Variants in CP observed in about 807,000 individuals in gnomAD.
The protein encoded by CP is ceruloplasmin.
Under a neutral mutation model 122.4 loss-of-function variants are expected in CP, and 64 were observed. The ratio of observed to expected loss-of-function variants is 0.52; its 90% confidence interval spans 0.43 to 0.64. CP has a LOEUF of 0.64. Ranked by LOEUF, CP falls within the 30% of genes least tolerant of loss-of-function variation. CP has a pLI of 0.00. For missense variants in CP, 1,167 were observed against 1,284.4 expected (o/e 0.91, Z 1.40); for synonymous variants, 440 against 436.4 (o/e 1.01, Z -0.10).
chr3:149,175,897 T>G lies in CP; in HGVS notation c.3181+353A>C, dbSNP rs1725385979. 1.5e-5 allele frequency: 3 copies of G among 195,612 alleles called. No homozygotes were observed. In the South Asian group the frequency reaches 3.0e-4, roughly 20 times the overall value. The allele number at this position is 195,612 out of a possible 1,614,324, so 12.1% of individuals were successfully genotyped here. A position where few individuals can be genotyped will look rare whatever the true frequency, so the allele number is the denominator to read the frequency against. On this transcript the variant is annotated intron_variant, in intron 18 of 18. Coordinates refer to ENST00000264613, the MANE Select transcript of CP (RefSeq NM_000096.4). ...AGGTGCCACCTAGAAAAAAAATTGT[T>G]TTTTGTTAAGAAAGAAATTAGATTC...
At position 149,185,300 on chromosome 3, in the gene CP, C is replaced by G. The variant is rs527915587; in HGVS notation, c.2224G>C (p.Glu742Gln). 23 of 1,613,998 alleles carry G rather than the reference C, an allele frequency of 1.4e-5. No individual in the cohort carries two copies. In the East Asian group the frequency reaches 4.7e-4, roughly 33 times the overall value. The change falls in exon 12 of 19, where the codon GAA becomes CAA. Residue 742 changes from glutamate to glutamine, a missense_variant. Transcript: ENST00000264613. ...TCCCTTTGTGGGGAATAATCCCATT[C>G]CACCTCCACTGCTGCGATATAGTAT... The part of the protein sequence containing the change: ...RTYYIAAVEV[E>Q]WDYSPQREWE...
In CP at chr3:149,177,970, C is replaced by G; in HGVS notation, c.2888G>C (p.Gly963Ala). ...IESNKMHAIN[G>A]RMFGNLQGLT... is the part of the protein sequence containing the mutation. ...GCCTTGTAGGTTTCCAAACATTCTT[C>G]CATTAATAGCTAGGGAAAGCATATG... is the stretch of plus-strand genomic sequence containing the variant. Residue 963 changes from glycine to alanine, a missense_variant, in exon 17 of 19, where the codon GGA becomes GCA. Coordinates refer to ENST00000264613, the MANE Select transcript of CP (RefSeq NM_000096.4). The G allele has an allele frequency of 6.2e-7, 1 of 1,613,312 alleles. No homozygotes were observed. Among genetic ancestry groups the G allele is most frequent in the Non-Finnish European group, 8.5e-7 (1 of 1,179,312 alleles).
At chr3:149,203,099 G>T (rs1727460126) in intron 6 of CP, among the ~76,000 whole-genome samples, 1 of 151,528 alleles carries the variant, frequency 6.6e-6, no homozygotes, top group Non-Finnish European at 1.5e-5. Context: ...GTAGAGACGG[G>T]GTTTCACCGT....
chr3:149,186,279 G>A, intron 11 of CP: 1 of 557,816 alleles, frequency 1.8e-6, no homozygotes, highest in Non-Finnish European at 3.2e-6. Flanking sequence ...AGGAGCCTAT[G>A]GAAGTGGAGA....
Position 149,209,403 on chromosome 3 carries a change from T to C in CP, c.608-19A>G. 1.2e-6 allele frequency: 2 copies of C among 1,607,054 alleles called. No homozygotes were observed. The highest frequency in any genetic ancestry group is 1.3e-5 in the African/African-American group (1 of 74,880). On this transcript the variant is annotated intron_variant, in intron 3 of 18. Transcript: ENST00000264613. The stretch of plus-strand genomic sequence containing the variant: ...AGAGAATCTGGAGTTAAAGTTACTA[T>C]TTTAGCAAGACTAAACTTTTAGCAT...
intron 18 of CP, 46 bp from the exon 19 acceptor site, chr3:149,173,776 G>T (rs1725214342): frequency 1.0e-6 from 1 of 989,362 alleles, no homozygotes; most frequent in Non-Finnish European, 1.5e-6. Context: ...ATAATATATG[G>T]TTAGAAATTA....
chr3:149,169,271 A>T (rs776432182), downstream of CP, among the ~76,000 whole-genome samples: 13 of 152,156 alleles, frequency 8.5e-5, no homozygotes, highest in Non-Finnish European at 1.3e-4. Flanking sequence ...TGTTTTCTTA[A>T]CAGTTGTACA....
At chr3:149,167,186 A>C in intron 4 of CP, 1 of 1,613,946 alleles carries the variant, frequency 6.2e-7, no homozygotes, top group Non-Finnish European at 8.5e-7. Context: ...TGTTAGAGAG[A>C]TGCCCGGAGG....
chr3:149,178,587 T>G lies in CP; in HGVS notation c.2706A>C (p.Arg902Ser). ...TGGGATTGAATACTTTCAAGTAAGG[T>G]CTTCGACAAACAATCAGGGGGCCAA... is the stretch of plus-strand genomic sequence containing the variant. ...GLIGPLIVCR[R>S]PYLKVFNPRR... The change falls in exon 16 of 19, where the codon AGA (arginine) becomes AGC (serine). Residue 902 changes from arginine to serine, a missense_variant. This residue lies in a region of CP where 525 missense variants were observed against 657.2 expected (regional missense o/e 0.80). Transcript: ENST00000264613. The G allele has an allele frequency of 6.2e-7, 1 of 1,613,388 alleles. No individual in the cohort carries two copies. Among genetic ancestry groups the G allele is most frequent in the Non-Finnish European group, 8.5e-7 (1 of 1,179,680 alleles).
chr3:149,188,490 CAAAAAAAAAAAAAAAAA>C (rs60815739), intron 9 of CP, among the ~76,000 whole-genome samples: 1 of 46,088 alleles, frequency 2.2e-5, no homozygotes, highest in Non-Finnish European at 4.4e-5. Context: ...TTGAAGCCTC[CAAAAAAAAAAAAAAAAA>C]AAAAAAAAAA....
chr3:149,182,691 C>T (rs1171582314), intron 13 of CP, among the ~76,000 whole-genome samples: 2 of 152,128 alleles, frequency 1.3e-5, no homozygotes, highest in African/African-American at 4.8e-5. Context: ...TTGAAGGCAG[C>T]TTTGCCCCTG....
intron 14 of CP, among the ~76,000 whole-genome samples, chr3:149,180,616 G>T (rs1362956426): frequency 6.6e-6 from 1 of 152,134 alleles, no homozygotes; most frequent in Non-Finnish European, 1.5e-5. Context: ...AACAGAGATG[G>T]TCTCAAGTGA....
chr3:149,206,052 T>C, intron 6 of CP, 116 bp downstream of exon 6: 1 of 889,026 alleles, frequency 1.1e-6, no homozygotes. Context: ...TATTTAGCAG[T>C]CTAGTTACTC....
chr3:149,221,188 G>A (rs1176200497), intron 1 of CP, among the ~76,000 whole-genome samples: 4 of 152,116 alleles, frequency 2.6e-5, no homozygotes, highest in Admixed American at 2.6e-4. Context: ...TAACTGTCTG[G>A]AGTCTCTCAA....
chr3:149,186,687 C>T lies in CP; in HGVS notation c.1910G>A (p.Cys637Tyr). The T allele has an allele frequency of 6.2e-7, 1 of 1,614,178 alleles. No individual in the cohort carries two copies. The highest frequency in any genetic ancestry group is 2.2e-5 in the East Asian group (1 of 44,892). Residue 637 changes from cysteine to tyrosine, a missense_variant, in exon 11 of 19, where the codon TGC becomes TAC. By Grantham distance (194) the Cys-to-Tyr change is radical (BLOSUM62 -2). This residue lies in a region of CP where 525 missense variants were observed against 657.2 expected (regional missense o/e 0.80). Transcript: ENST00000264613. ...MYGNQPGLTM[C>Y]KGDSVVWYLF... ...GTACCACACGACCGAATCTCCTTTG[C>T]ACATAGTGAGACCCGGCTGATTCCC...
chr3:149,216,671 T>C (rs1270756029), intron 1 of CP, among the ~76,000 whole-genome samples: 1 of 152,180 alleles, frequency 6.6e-6, no homozygotes. Context: ...AACCTAGGTA[T>C]ATATAACACA....
chr3:149,170,415 T>C (rs1724858749), downstream of CP: 2 of 152,248 alleles, frequency 1.3e-5, no homozygotes, highest in South Asian at 4.1e-4. Flanking sequence ...AGCTAGTTAG[T>C]AGTTGCTGTT....
chr3:149,202,003 T>C, intron 7 of CP, 99 bp downstream of exon 7: 1 of 1,486,446 alleles, frequency 6.7e-7, no homozygotes, highest in Non-Finnish European at 9.4e-7. Context: ...ACTTAACACA[T>C]AGAAATCATG....
intron 1 of CP, 36 bp downstream of exon 1, chr3:149,221,611 A>C (rs760163524): frequency 6.3e-7 from 1 of 1,584,490 alleles, no homozygotes. Context: ...AATAACTTAA[A>C]ATTTTGGTCT....
Sources: gnomAD v4.1 joint callset for allele counts (sites outside exome capture counted in the v4.1 genomes callset) on GRCh38, gnomAD v4.1.1 for gene constraint, gnomAD v4.1.1 regional missense constraint, MANE v1.5 for transcripts, NCBI Gene and HGNC (gene_info 2026-07-23, HGNC 2026-07-21) for gene names.